The following IL20RA variants were observed in gnomAD, a reference collection of about 807,000 sequenced individuals.
The protein encoded by IL20RA is interleukin-20 receptor subunit alpha.
In IL20RA, 29 loss-of-function variants were observed where a neutral mutation model predicts 36.5. The observed-to-expected ratio is 0.79, with a 90% CI of 0.59 to 1.08. The LOEUF is 1.08. Ranked by LOEUF, IL20RA falls within the 50% of genes least tolerant of loss-of-function variation. IL20RA has a pLI of 0.00. For missense variants in IL20RA, 652 were observed against 668.4 expected (o/e 0.98, Z 0.27); for synonymous variants, 279 against 267.1 (o/e 1.04, Z -0.43).
At position 137,004,740 on chromosome 6, in the gene IL20RA, C is replaced by T; in HGVS notation, c.745G>A (p.Ala249Thr). ...AAAACATACCAGAAGATGATTTTAG[C>T]CTTGAACTCTGATGATTGATCTGTA... Reference protein sequence around the residue: ...TLKDQSSEFKAKIIFWYVLPV... With the variant: ...TLKDQSSEFKTKIIFWYVLPV... Residue 249 changes from alanine to threonine, a missense_variant, in exon 6 of 7, where the codon GCT becomes ACT. By Grantham distance (58) the Ala-to-Thr change is moderately conservative. Coordinates refer to ENST00000316649, the MANE Select transcript of IL20RA (RefSeq NM_014432.4). 1 of 1,587,398 alleles carries T rather than the reference C, an allele frequency of 6.3e-7. No homozygotes were observed. Among genetic ancestry groups the T allele is most frequent in the Non-Finnish European group, 8.5e-7 (1 of 1,173,126 alleles).
chr6:137,015,330 A>C (rs1775645242), intron 2 of IL20RA, among the ~76,000 whole-genome samples: 1 of 152,196 alleles, frequency 6.6e-6, no homozygotes, highest in Non-Finnish European at 1.5e-5. Context: ...CCTTAAAAAA[A>C]AGCATGTTCT....
chr6:137,041,301 T>G (rs1408744837), intron 1 of IL20RA, among the ~76,000 whole-genome samples: 1 of 152,098 alleles, frequency 6.6e-6, no homozygotes, highest in South Asian at 2.1e-4. Context: ...ATTGGAAAAA[T>G]GGGTGATACT....
intron 1 of IL20RA, among the ~76,000 whole-genome samples, chr6:137,032,571 A>G (rs1188259414): frequency 6.6e-6 from 1 of 152,116 alleles, no homozygotes; most frequent in Non-Finnish European, 1.5e-5. Flanking sequence ...GTTTCGGTGG[A>G]AGCATTTGTG....
At position 137,025,174 on chromosome 6, in the gene IL20RA, C is replaced by T. The variant is rs539924924; in HGVS notation, c.89-8071G>A. Among the ~76,000 whole-genome samples the T allele has an allele frequency of 2.0e-5, 3 of 152,234 alleles. No homozygotes were observed. In the South Asian group the frequency reaches 6.2e-4, roughly 32 times the overall value. ...AAATGGAATGTGTGTGTTCCTCCTC[C>T]CCATCAAAACATTCACAGGTTAAAT... On this transcript the variant is annotated intron_variant, in intron 1 of 6. Transcript: ENST00000316649.
intron 1 of IL20RA, among the ~76,000 whole-genome samples, chr6:137,022,513 A>G (rs1775939881): frequency 6.6e-6 from 1 of 152,234 alleles, no homozygotes; most frequent in Middle Eastern, 3.2e-3. Context: ...AGTCAATCCT[A>G]TCTGTATTGA....
intron 1 of IL20RA, among the ~76,000 whole-genome samples, chr6:137,029,483 G>A (rs1776199853): frequency 6.6e-6 from 1 of 152,110 alleles, no homozygotes; most frequent in Admixed American, 6.6e-5. Context: ...CTTCTGCCTG[G>A]GCAACAGAGT....
intron 1 of IL20RA, chr6:137,044,072 C>T (rs1273645839): frequency 1.0e-6 from 1 of 981,342 alleles, no homozygotes; most frequent in African/African-American, 1.7e-5. Context: ...AACGGCGTAC[C>T]CAGGACAGGG....
At position 137,011,311 on chromosome 6, in the gene IL20RA, T is replaced by G; in HGVS notation, c.366A>C (p.Lys122Asn). ...VKAIWGTKCS[K>N]WAESGRFYPF... ...GATAGAACCGTCCACTTTCAGCCCA[T>G]TTGGAACACTTTGTTCCCCAAATGG... The change falls in exon 3 of 7, where the codon AAA (lysine) becomes AAC (asparagine). Residue 122 changes from lysine to asparagine, a missense_variant. Lys to Asn is a moderately conservative substitution (Grantham distance 94). Transcript: ENST00000316649. 11 of 1,613,336 alleles carry G rather than the reference T, an allele frequency of 6.8e-6. No homozygotes were observed. The highest frequency in any genetic ancestry group is 9.3e-6 in the Non-Finnish European group (11 of 1,179,748).
intron 1 of IL20RA, among the ~76,000 whole-genome samples, chr6:137,036,635 G>A (rs891935268): frequency 6.6e-6 from 1 of 151,864 alleles, no homozygotes; most frequent in African/African-American, 2.4e-5. Context: ...CCAGAAGCAC[G>A]AAGAGGCACA....
chr6:137,035,912 G>A (rs1027521336), intron 1 of IL20RA, among the ~76,000 whole-genome samples: 8 of 152,156 alleles, frequency 5.3e-5, no homozygotes, highest in African/African-American at 1.7e-4. Flanking sequence ...GGGTAGTTAC[G>A]CCTTACATAT....
At chr6:137,004,072 C>A (rs1775176964) in intron 6 of IL20RA, among the ~76,000 whole-genome samples, 1 of 150,902 alleles carries the variant, frequency 6.6e-6, no homozygotes, top group Non-Finnish European at 1.5e-5. Flanking sequence ...TTGAATTTAT[C>A]TGTGGGACCT....
chr6:137,030,811 A>G (rs1024036335), intron 1 of IL20RA, among the ~76,000 whole-genome samples: 2 of 152,192 alleles, frequency 1.3e-5, no homozygotes, highest in African/African-American at 4.8e-5. Context: ...AAAATGAAAA[A>G]AAAAAGTTTC....
chr6:137,027,341 T>C (rs1290629783), intron 1 of IL20RA, among the ~76,000 whole-genome samples: 1 of 152,232 alleles, frequency 6.6e-6, no homozygotes, highest in Non-Finnish European at 1.5e-5. Context: ...CACCTCACTA[T>C]TATTTCTCTG....
At chr6:137,031,080 A>G (rs1239712324) in intron 1 of IL20RA, among the ~76,000 whole-genome samples, 1 of 152,250 alleles carries the variant, frequency 6.6e-6, no homozygotes, top group African/African-American at 2.4e-5. Context: ...TGCCATTATT[A>G]TCAGTAATAA....
At chr6:137,024,516 T>C (rs938181822) in intron 1 of IL20RA, among the ~76,000 whole-genome samples, 3 of 152,352 alleles carry the variant, frequency 2.0e-5, no homozygotes, top group Admixed American at 2.0e-4. Flanking sequence ...GCACATAGTT[T>C]TATGTTTGGG....
intron 1 of IL20RA, among the ~76,000 whole-genome samples, 163 bp downstream of exon 1, chr6:137,044,478 C>T (rs1776825409): frequency 6.6e-6 from 1 of 151,828 alleles, no homozygotes; most frequent in African/African-American, 2.4e-5. Flanking sequence ...TCCCTGCAGC[C>T]CCGGGGCTGG....
intron 1 of IL20RA, among the ~76,000 whole-genome samples, chr6:137,030,070 GTTTTTTTTTTTTT>G (rs1188809232): frequency 1.4e-4 from 9 of 62,804 alleles, no homozygotes; most frequent in South Asian, 8.2e-4. Flanking sequence ...CGGTTTGCGG[GTTTTTTTTTTTTT>G]TTTTTTTTTT....
intron 1 of IL20RA, among the ~76,000 whole-genome samples, chr6:137,032,243 C>T (rs545220441): frequency 2.0e-3 from 310 of 152,114 alleles, no homozygotes; most frequent in African/African-American, 7.2e-3. Flanking sequence ...GTTTCAGTGG[C>T]AGGAGACAGC....
chr6:137,044,227 A>G, intron 1 of IL20RA: 1 of 988,408 alleles, frequency 1.0e-6, no homozygotes. Context: ...CGGCATCCAC[A>G]GGGGCCCCTC....
Sources: gnomAD v4.1 joint callset for allele counts (sites outside exome capture counted in the v4.1 genomes callset) on GRCh38, gnomAD v4.1.1 for gene constraint, MANE v1.5 for transcripts, NCBI Gene and HGNC (gene_info 2026-07-23, HGNC 2026-07-21) for gene names.